Variants in ALAS1 observed in about 807,000 individuals in gnomAD.
The protein encoded by ALAS1 is 5'-aminolevulinate synthase 1.
Under a neutral mutation model 59.6 loss-of-function variants are expected in ALAS1, and 29 were observed. The observed-to-expected ratio is 0.49, with a 90% confidence interval of 0.36 to 0.66. The LOEUF is 0.66. Ranked by LOEUF, ALAS1 falls within the 30% of genes least tolerant of loss-of-function variation. The probability of loss-of-function intolerance (pLI) is 0.00; values close to 1 mark genes in which losing one functional copy is unlikely to be tolerated. For synonymous variants in ALAS1, 299 were observed against 296.6 expected, an observed-to-expected ratio of 1.01 and a Z score of -0.08; for missense variants, 690 against 807.5, an observed-to-expected ratio of 0.85 and a Z score of 1.76.
At chr3:52,200,245 G>A (rs945402709) in intron 3 of ALAS1, among the ~76,000 whole-genome samples, 1 of 151,852 alleles carries the variant, frequency 6.6e-6, no homozygotes, top group Non-Finnish European at 1.5e-5. Flanking sequence ...TCATATTGTT[G>A]TGTCACCACC....
chr3:52,203,464 C>A (rs972982023), intron 4 of ALAS1, among the ~76,000 whole-genome samples: 1 of 151,986 alleles, frequency 6.6e-6, no homozygotes, highest in South Asian at 2.1e-4. Context: ...TCGCTTGAAC[C>A]CAGGAGGCAG....
rs540270126 is a variant in ALAS1, at chr3:52,212,596, A to G, written c.1762+176A>G. ...GCCCAGGCTGGAGTACAATGGCACAATCTCGGCTCACCGCAACCCCTGCCT... is the reference window on the plus strand; with the variant it reads ...GCCCAGGCTGGAGTACAATGGCACAGTCTCGGCTCACCGCAACCCCTGCCT... On this transcript the variant is annotated intron_variant, in intron 11 of 11. Coordinates refer to ENST00000484952, the MANE Select transcript of ALAS1 (RefSeq NM_000688.6). 606 of 740,210 alleles carry G rather than the reference A, an allele frequency of 8.2e-4. 2 individuals carry two copies. Among genetic ancestry groups the G allele is most frequent in the Non-Finnish European group, 1.4e-4 (65 of 457,876 alleles). 45.9% of individuals were successfully genotyped at this position (740,210 alleles called of 1,614,324 possible). A position where few individuals can be genotyped will look rare whatever the true frequency, so the allele number is the denominator to read the frequency against.
chr3:52,206,921 G>T (rs557958856), intron 8 of ALAS1, among the ~76,000 whole-genome samples, 170 bp downstream of exon 8: 19 of 151,032 alleles, frequency 1.3e-4, no homozygotes, highest in Non-Finnish European at 2.7e-4. Context: ...TGCAAGCTCC[G>T]CCTCCCGGGT....
At chr3:52,206,152 T>C in intron 7 of ALAS1, 129 bp downstream of exon 7, 1 of 909,538 alleles carries the variant, frequency 1.1e-6, no homozygotes, top group East Asian at 2.6e-5. Context: ...GCATTTGTTC[T>C]GGGGTCAAGC....
At chr3:52,202,794 C>T (rs1254052263) in intron 4 of ALAS1, 60 bp downstream of exon 4, 1 of 1,515,582 alleles carries the variant, frequency 6.6e-7, no homozygotes, top group Admixed American at 1.8e-5. Context: ...TTCTTTTGGG[C>T]CCTCAGATTT....
In ALAS1 at chr3:52,199,431, G is replaced by A. The variant is rs778316387; in HGVS notation, c.190G>A (p.Ala64Thr). The A allele has an allele frequency of 6.2e-7, 1 of 1,613,752 alleles. No individual in the cohort carries two copies. The highest frequency in any genetic ancestry group is 8.5e-7 in the Non-Finnish European group (1 of 1,179,836). Residue 64 changes from alanine to threonine, a missense_variant, in exon 3 of 12, where the codon GCC becomes ACC. By Grantham distance (58) the Ala-to-Thr change is moderately conservative. Transcript: ENST00000484952. ...HYQQIKETPP[A>T]SEKDKTAKAK... ...CCAACAGATCAAAGAAACCCCTCCG[G>A]CCAGTGAGAGTAAGTGTCATTGACA...
At chr3:52,213,366 T>C (rs914172921) in intron 11 of ALAS1, among the ~76,000 whole-genome samples, 1 of 152,230 alleles carries the variant, frequency 6.6e-6, no homozygotes, top group Non-Finnish European at 1.5e-5. Context: ...CACGTGGCAG[T>C]GTTGGAGCAG....
At chr3:52,198,954 A>G (rs941765710) in intron 2 of ALAS1, 106 bp downstream of exon 2, 10 of 1,233,824 alleles carry the variant, frequency 8.1e-6, no homozygotes, top group Non-Finnish European at 1.1e-5. Flanking sequence ...TTGATTATGT[A>G]CTGTCAGTAT....
Position 52,199,252 on chromosome 3 carries a change from T to C in ALAS1, c.11T>C (p.Val4Ala). 6.2e-7 allele frequency: 1 copy of C among 1,614,176 alleles called. No homozygotes were observed. The change falls in exon 3 of 12, where the codon GTT becomes GCT. Residue 4 changes from valine (V) to alanine (A), a missense_variant. Transcript: ENST00000484952. ...GCATACTTCCTGAACATGGAGAGTG[T>C]TGTTCGCCGCTGCCCATTCTTATCC... Reference protein sequence around the residue: MESVVRRCPFLSRV... With the variant: MESAVRRCPFLSRV...
chr3:52,203,888 C>T lies in ALAS1; in HGVS notation c.453C>T (p.Pro151=), dbSNP rs780098386. Residue 151 remains proline, a synonymous_variant, in exon 5 of 12, where the codon CCC becomes CCT. Coordinates refer to ENST00000484952, the MANE Select transcript of ALAS1 (RefSeq NM_000688.6). ...AGGTTGCTGAAACCTCAGCAGGCCCCAGTGTGGTTAGTGTGAAAACCGATG... is the reference window on the plus strand; with the variant it reads ...AGGTTGCTGAAACCTCAGCAGGCCCTAGTGTGGTTAGTGTGAAAACCGATG... The part of the protein sequence containing the change: ...RKEVAETSAG[P]SVVSVKTDGG... The T allele has an allele frequency of 6.2e-7, 1 of 1,606,986 alleles. No individual in the cohort carries two copies. The highest frequency in any genetic ancestry group is 8.5e-7 in the Non-Finnish European group (1 of 1,176,420).
At chr3:52,205,552 A>G (rs1699276083) in intron 6 of ALAS1, among the ~76,000 whole-genome samples, 1 of 152,166 alleles carries the variant, frequency 6.6e-6, no homozygotes, top group South Asian at 2.1e-4. Flanking sequence ...CAGAAAATAA[A>G]CCTTAGTTTC....
At chr3:52,212,552 C>A in intron 11 of ALAS1, 132 bp downstream of exon 11, 2 of 1,233,972 alleles carry the variant, frequency 1.6e-6, no homozygotes, top group Non-Finnish European at 2.3e-6. Context: ...TTTTTTGAGA[C>A]AAGAGTTTCG....
In ALAS1 at chr3:52,202,979, T is replaced by C. The variant is rs1315030308; in HGVS notation, c.427+245T>C. On this transcript the variant is annotated intron_variant, in intron 4 of 11. Transcript: ENST00000484952. ...ATAGTTACTACTTAATTTCTGAAAA[T>C]AACCTGCAGTCTTGAGCTGCCACCA... 3.9e-5 allele frequency among the ~76,000 whole-genome samples: 6 copies of C among 152,124 alleles called. No homozygotes were observed. The East Asian group carries it at 9.6e-4, about 24-fold the overall frequency.
chr3:52,203,357 A>T (rs985415126), intron 4 of ALAS1, among the ~76,000 whole-genome samples: 1 of 152,218 alleles, frequency 6.6e-6, no homozygotes, highest in Non-Finnish European at 1.5e-5. Context: ...CCAGGCCAAC[A>T]TGGGGAAACC....
chr3:52,208,100 G>C lies in ALAS1; in HGVS notation c.1183G>C (p.Glu395Gln). 2.5e-6 allele frequency: 4 copies of C among 1,587,716 alleles called. No homozygotes were observed. Among genetic ancestry groups the C allele is most frequent in the Non-Finnish European group, 2.6e-6 (3 of 1,167,664 alleles). Residue 395 changes from glutamate (E) to glutamine (Q), a missense_variant, in exon 9 of 12, where the codon GAA (glutamate) becomes CAA (glutamine). Physicochemically the swap from Glu to Gln is conservative, Grantham distance 29. Transcript: ENST00000484952. ...TTCCTCAGGGGCGGTGTGCCCACTGGAAGAGCTGTGTGATGTGGCCCATGA... is the reference window on the plus strand; with the variant it reads ...TTCCTCAGGGGCGGTGTGCCCACTGCAAGAGCTGTGTGATGTGGCCCATGA... ...HSMDGAVCPLEELCDVAHEFG... is the reference protein window; with the variant it reads ...HSMDGAVCPLQELCDVAHEFG...
chr3:52,203,817 A>C, intron 4 of ALAS1, 46 bp from the exon 5 acceptor site: 1 of 1,536,770 alleles, frequency 6.5e-7, no homozygotes, highest in South Asian at 1.2e-5. Flanking sequence ...TTGTGAACTC[A>C]GAATAGAAAG....
At position 52,212,405 on chromosome 3, in the gene ALAS1, A is replaced by G. The variant is rs764757033; in HGVS notation, c.1747A>G (p.Met583Val). The G allele has an allele frequency of 1.4e-5, 22 of 1,613,984 alleles. No individual in the cohort carries two copies. The highest frequency in any genetic ancestry group is 1.3e-5 in the Non-Finnish European group (15 of 1,179,996). The change falls in exon 11 of 12, where the codon ATG becomes GTG. Residue 583 changes from methionine to valine, a missense_variant. Transcript: ENST00000484952. ...CACCCCTCACCACACACCCCAGATGATGAACTACTTCCTTGGTGAGTACCT... is the reference window on the plus strand; with the variant it reads ...CACCCCTCACCACACACCCCAGATGGTGAACTACTTCCTTGGTGAGTACCT... ...APTPHHTPQM[M>V]NYFLENLLVT...
chr3:52,199,315 C>T lies in ALAS1; in HGVS notation c.74C>T (p.Ser25Phe). The change falls in exon 3 of 12, where the codon TCT becomes TTT. Residue 25 changes from serine to phenylalanine, a missense_variant. Transcript: ENST00000484952. Reference sequence around the variant, plus strand: ...GCCTTTCTGCAGAAAGCAGGCAAATCTCTGTTGTTCTATGCCCAAAACTGC... The same window carrying T: ...GCCTTTCTGCAGAAAGCAGGCAAATTTCTGTTGTTCTATGCCCAAAACTGC... ...PQAFLQKAGKSLLFYAQNCPK... is the reference protein window; with the variant it reads ...PQAFLQKAGKFLLFYAQNCPK... 6.2e-7 allele frequency: 1 copy of T among 1,614,230 alleles called. No individual in the cohort carries two copies. Among genetic ancestry groups the T allele is most frequent in the Non-Finnish European group, 8.5e-7 (1 of 1,180,040 alleles).
At position 52,204,977 on chromosome 3, in the gene ALAS1, A is replaced by AG. The variant is rs1361233508; in HGVS notation, c.800+66dup. 2.8e-6 allele frequency: 4 copies of AG among 1,424,282 alleles called. No individual in the cohort carries two copies. In the African/African-American group the frequency reaches 4.2e-5, roughly 15 times the overall value. 88.2% of individuals were successfully genotyped at this position (1,424,282 alleles called of 1,614,324 possible). A position where few individuals can be genotyped will look rare whatever the true frequency, so the allele number is the denominator to read the frequency against. On this transcript the variant is annotated intron_variant, in intron 6 of 11. Coordinates refer to ENST00000484952, the MANE Select transcript of ALAS1 (RefSeq NM_000688.6). ...ATTTGGCAAGCCAATGATGATGTAT[A>AG]GGGGTTGGATCTTTTATGGAGGGAA...
Sources: allele counts gnomAD v4.1 joint callset (sites outside exome capture counted in the v4.1 genomes callset), GRCh38; gene constraint gnomAD v4.1.1; transcripts MANE v1.5; gene names NCBI Gene and HGNC (gene_info 2026-07-23, HGNC 2026-07-21).